The following FGD6 variants were observed in gnomAD, a reference collection of about 807,000 sequenced individuals.
FGD6 encodes the protein FYVE, RhoGEF and PH domain-containing protein 6.
Under a neutral mutation model 149.4 loss-of-function variants are expected in FGD6, and 90 were observed. The ratio of observed to expected loss-of-function variants is 0.60; its 90% CI spans 0.51 to 0.72. The LOEUF is 0.72. Ranked by LOEUF, FGD6 falls within the 30% of genes least tolerant of loss-of-function variation. The pLI is 0.00. For synonymous variants in FGD6, 527 were observed against 584.0 expected (o/e 0.90, Z 1.41); for missense variants, 1,437 against 1,684.8 (o/e 0.85, Z 2.57).
Position 95,210,517 on chromosome 12 carries a change from C to A in FGD6, c.767G>T (p.Cys256Phe), listed in dbSNP as rs1412527809. 6.2e-7 allele frequency: 1 copy of A among 1,613,762 alleles called. No individual in the cohort carries two copies. Among genetic ancestry groups the A allele is most frequent in the Non-Finnish European group, 8.5e-7 (1 of 1,179,986 alleles). The stretch of plus-strand genomic sequence containing the variant: ...ATTGCTTTTTTCACTGTCATCCTGG[C>A]AAGTTTCAAAATGTTCACATTCATC... ...PSDECEHFET[C>F]QDDSEKSNNC... Residue 256 changes from cysteine to phenylalanine, a missense_variant, in exon 2 of 21, where the codon TGC (cysteine) becomes TTC (phenylalanine). By Grantham distance (205) the Cys-to-Phe change is radical (BLOSUM62 -2). Around this residue, in one of 2 missense-constraint regions of FGD6, gnomAD observed 1,055 missense variants for 1,146.0 expected, o/e 0.92. Coordinates refer to ENST00000343958, the MANE Select transcript of FGD6 (RefSeq NM_018351.4).
At chr12:95,173,451 C>A (rs1388477976) in intron 2 of FGD6, among the ~76,000 whole-genome samples, 1 of 152,150 alleles carries the variant, frequency 6.6e-6, no homozygotes, top group South Asian at 2.1e-4. Flanking sequence ...CTGATACAAG[C>A]TGAACTTGGA....
intron 11 of FGD6, 32 bp from the exon 12 acceptor site, chr12:95,107,663 C>G: frequency 6.2e-7 from 1 of 1,606,296 alleles, no homozygotes. Context: ...CCATTTAGTC[C>G]TACCATCACA....
intron 9 of FGD6, among the ~76,000 whole-genome samples, chr12:95,112,937 T>C (rs1878880449): frequency 6.6e-6 from 1 of 152,210 alleles, no homozygotes; most frequent in African/African-American, 2.4e-5. Flanking sequence ...CTCATGATTT[T>C]GAAGCTTGAG....
At chr12:95,090,369 G>A (rs1372358557) in intron 17 of FGD6, among the ~76,000 whole-genome samples, 1 of 152,168 alleles carries the variant, frequency 6.6e-6, no homozygotes, top group African/African-American at 2.4e-5. Context: ...GACATGAGCA[G>A]ATTAAATTTG....
chr12:95,084,923 T>C (rs1351298610), intron 19 of FGD6, among the ~76,000 whole-genome samples: 1 of 152,128 alleles, frequency 6.6e-6, no homozygotes, highest in Non-Finnish European at 1.5e-5. Flanking sequence ...GGAAGGCACG[T>C]GATTATATTA....
At chr12:95,172,474 T>C (rs1161058937) in intron 3 of FGD6, 126 bp downstream of exon 3, 1 of 851,916 alleles carries the variant, frequency 1.2e-6, no homozygotes, top group Non-Finnish European at 1.7e-6. Context: ...AGGAATTAAA[T>C]TTAAATTTTG....
chr12:95,170,629 C>G (rs1186727408), intron 3 of FGD6, among the ~76,000 whole-genome samples: 1 of 152,016 alleles, frequency 6.6e-6, no homozygotes, highest in African/African-American at 2.4e-5. Flanking sequence ...GCAACAAGAG[C>G]GAAACTCCTT....
intron 3 of FGD6, among the ~76,000 whole-genome samples, chr12:95,156,893 C>T (rs894154684): frequency 6.6e-6 from 1 of 152,076 alleles, no homozygotes; most frequent in Non-Finnish European, 1.5e-5. Flanking sequence ...GGCTGAATTT[C>T]CCCCAATAAC....
At chr12:95,168,784 T>C (rs1256345364) in intron 3 of FGD6, among the ~76,000 whole-genome samples, 1 of 152,216 alleles carries the variant, frequency 6.6e-6, no homozygotes, top group African/African-American at 2.4e-5. Flanking sequence ...TAAAGTCAAG[T>C]GTCCACTTTT....
Position 95,089,812 on chromosome 12 carries a change from C to G in FGD6, c.3851-116G>C, listed in dbSNP as rs1359150949. ...TCCATGGAAGGACACTAAGAAACAA[C>G]ATTGATAACTCCTGGAAAAGGACAA... is the stretch of plus-strand genomic sequence containing the variant. On this transcript the variant is annotated intron_variant, in intron 17 of 20. Coordinates refer to ENST00000343958, the MANE Select transcript of FGD6 (RefSeq NM_018351.4). 11 of 1,311,878 alleles carry G rather than the reference C, an allele frequency of 8.4e-6. No homozygotes were observed. In the Admixed American group the frequency reaches 2.1e-4, roughly 25 times the overall value. The allele number at this position is 1,311,878 out of a possible 1,614,324, so 81.3% of individuals were successfully genotyped here.
At position 95,188,444 on chromosome 12, in the gene FGD6, T is replaced by C. The variant is rs568934787; in HGVS notation, c.2442-15700A>G. Among the ~76,000 whole-genome samples the C allele has an allele frequency of 2.0e-5, 3 of 152,292 alleles. No homozygotes were observed. The East Asian group carries it at 5.8e-4, about 29-fold the overall frequency. On this transcript the variant is annotated intron_variant, in intron 2 of 20. Transcript: ENST00000343958. ...CACAGGAGAAGGAAGACAAGGTTCC[T>C]GCCCTGGGGAAAATGGAGCTGTCAG...
Position 95,209,818 on chromosome 12 carries a change from T to C in FGD6, c.1466A>G (p.Glu489Gly). ...TTTGGGGACAATTCGTAGAGAATTT[T>C]CCTCTTTTATAACAGATTCCTTTTG... is the stretch of plus-strand genomic sequence containing the variant. ...QMQKESVIKE[E>G]NSLRIVPKKP... is the part of the protein sequence containing the mutation. The change falls in exon 2 of 21, where the codon GAA becomes GGA. Residue 489 changes from glutamate to glycine, a missense_variant. Glu to Gly is a moderately conservative substitution (Grantham distance 98). Transcript: ENST00000343958. 6.2e-7 allele frequency: 1 copy of C among 1,609,892 alleles called. No individual in the cohort carries two copies. The highest frequency in any genetic ancestry group is 8.5e-7 in the Non-Finnish European group (1 of 1,179,036).
Position 95,210,687 on chromosome 12 carries a change from C to G in FGD6, c.597G>C (p.Lys199Asn), listed in dbSNP as rs1454969460. 1 of 1,614,052 alleles carries G rather than the reference C, an allele frequency of 6.2e-7. No homozygotes were observed. Among genetic ancestry groups the G allele is most frequent in the Admixed American group, 1.7e-5 (1 of 59,980 alleles). The change falls in exon 2 of 21, where the codon AAG becomes AAC. Residue 199 changes from lysine to asparagine, a missense_variant. By Grantham distance (94) the Lys-to-Asn change is moderately conservative (BLOSUM62 0). This residue lies in a region of FGD6 where 1,055 missense variants were observed against 1,146.0 expected (regional missense o/e 0.92). Transcript: ENST00000343958. ...HQMPPFISAQ[K>N]HRPTDSPEMN... ...TTTCTGGGCTGTCTGTGGGCCTGTG[C>G]TTCTGTGCAGAAATAAAAGGTGGCA...
rs1366110196 is a variant in FGD6, at chr12:95,148,683, T to C, written c.2685+4128A>G. 7.6e-5 allele frequency among the ~76,000 whole-genome samples: 8 copies of C among 105,004 alleles called. 1 individual carries two copies. The South Asian group carries it at 8.9e-4, about 12-fold the overall frequency. 68.9% of individuals were successfully genotyped at this position (105,004 alleles called of 152,430 possible). On this transcript the variant is annotated intron_variant, in intron 5 of 20. Transcript: ENST00000343958. ...TATATAATACATAGCATATGTTATA[T>C]TATATATATTATATATTATATAATA...
rs1879989457 is a variant in FGD6 at position 95,145,618 on chromosome 12, T to C, written c.2686-4079A>G. On this transcript the variant is annotated intron_variant, in intron 5 of 20. Coordinates refer to ENST00000343958, the MANE Select transcript of FGD6 (RefSeq NM_018351.4). Reference sequence around the variant, plus strand: ...AAATTCCCACTTGCCCGTAATATATTTGGAGTTGAGCCCAATCTCTCTCCA... The same window carrying C: ...AAATTCCCACTTGCCCGTAATATATCTGGAGTTGAGCCCAATCTCTCTCCA... 2.0e-5 allele frequency among the ~76,000 whole-genome samples: 3 copies of C among 152,142 alleles called. No individual in the cohort carries two copies. The South Asian group carries it at 6.2e-4, about 31-fold the overall frequency.
chr12:95,122,287 A>G (rs952411962), intron 8 of FGD6, among the ~76,000 whole-genome samples: 16 of 152,178 alleles, frequency 1.1e-4, no homozygotes, highest in Non-Finnish European at 2.1e-4. Context: ...CAAATGCTAA[A>G]ACTGTGGCCT....
intron 3 of FGD6, among the ~76,000 whole-genome samples, chr12:95,155,981 C>T (rs1880455531): frequency 6.6e-6 from 1 of 152,174 alleles, no homozygotes; most frequent in Admixed American, 6.5e-5. Flanking sequence ...ATCACTTCCC[C>T]AGTCAATACC....
intron 2 of FGD6, among the ~76,000 whole-genome samples, chr12:95,176,360 G>T (rs1189794605): frequency 1.3e-5 from 2 of 152,184 alleles, no homozygotes; most frequent in Non-Finnish European, 2.9e-5. Context: ...TGCTTTGTGG[G>T]GTAAAGGAAC....
At chr12:95,112,583 G>T (rs942833936) in intron 9 of FGD6, among the ~76,000 whole-genome samples, 3 of 152,038 alleles carry the variant, frequency 2.0e-5, no homozygotes, top group Non-Finnish European at 4.4e-5. Context: ...CTGGGTGACA[G>T]AGTGAGACTC....
Sources: gnomAD v4.1 joint callset for allele counts (sites outside exome capture counted in the v4.1 genomes callset) on GRCh38, gnomAD v4.1.1 for gene constraint, gnomAD v4.1.1 regional missense constraint, MANE v1.5 for transcripts, NCBI Gene and HGNC (gene_info 2026-07-23, HGNC 2026-07-21) for gene names.